PACRG: variants seen among roughly 807,000 people sequenced by gnomAD.
The protein encoded by PACRG is parkin coregulated.
Under a neutral mutation model 29.7 loss-of-function variants are expected in PACRG, and 29 were observed. The observed-to-expected ratio is 0.98, with a 90% CI of 0.73 to 1.33. The LOEUF is 1.33. Ranked by LOEUF, PACRG falls within the 40% of genes most tolerant of loss-of-function variation. The pLI is 0.00. For missense variants in PACRG, 279 were observed against 316.2 expected (o/e 0.88, Z 0.89); for synonymous variants, 116 against 118.7 (o/e 0.98, Z 0.15).
intron 4 of PACRG, among the ~76,000 whole-genome samples, chr6:163,172,108 C>CGA (rs1779116998): frequency 6.6e-6 from 1 of 152,198 alleles, no homozygotes; most frequent in Non-Finnish European, 1.5e-5. Context: ...CCAGGAAGCT[C>CGA]TAAGCTTCTA....
chr6:162,915,293 G>A (rs1584746955), intron 2 of PACRG, among the ~76,000 whole-genome samples: 1 of 151,398 alleles, frequency 6.6e-6, no homozygotes, highest in African/African-American at 2.4e-5. Flanking sequence ...TAGACCAGGG[G>A]TAGGCAAACT....
At chr6:163,003,421 G>A (rs1160151977) in intron 2 of PACRG, among the ~76,000 whole-genome samples, 1 of 151,998 alleles carries the variant, frequency 6.6e-6, no homozygotes, top group East Asian at 1.9e-4. Flanking sequence ...GAAGGGAAGA[G>A]GAAATTGAGC....
intron 2 of PACRG, among the ~76,000 whole-genome samples, chr6:162,881,286 G>A (rs548498941): frequency 6.6e-6 from 1 of 152,288 alleles, no homozygotes; most frequent in South Asian, 2.1e-4. Context: ...GCTCCTTAAT[G>A]AACCTGTTTT....
At chr6:162,727,726 C>G, upstream of PACRG, 1 of 1,535,748 alleles carries the variant, frequency 6.5e-7, no homozygotes, top group Non-Finnish European at 8.8e-7. Flanking sequence ...GCAGCGGCGC[C>G]AGCCGCGCCT....
chr6:162,857,186 TCA>T (rs1472982406), intron 2 of PACRG, among the ~76,000 whole-genome samples: 2 of 152,212 alleles, frequency 1.3e-5, no homozygotes, highest in African/African-American at 4.8e-5. Flanking sequence ...CTCCGAGAGT[TCA>T]CAGAGTATAG....
intron 1 of PACRG, among the ~76,000 whole-genome samples, chr6:162,761,935 CAAAAAA>C (rs60437478): frequency 2.6e-5 from 2 of 76,004 alleles, no homozygotes; most frequent in Admixed American, 2.1e-4. Flanking sequence ...GACTCCATCT[CAAAAAA>C]AAAAAAAAAA....
intron 2 of PACRG, among the ~76,000 whole-genome samples, chr6:162,876,528 A>T (rs1348850139): frequency 1.3e-5 from 2 of 152,090 alleles, no homozygotes; most frequent in African/African-American, 2.4e-5. Flanking sequence ...GTGTCTGTTC[A>T]TATCTTTTGC....
chr6:163,054,677 A>G (rs1053977428), intron 2 of PACRG, among the ~76,000 whole-genome samples: 1 of 152,186 alleles, frequency 6.6e-6, no homozygotes, highest in Non-Finnish European at 1.5e-5. Context: ...AAGGGGAAAC[A>G]GGGACTCTCG....
chr6:163,181,669 A>AT (rs1159033818), intron 4 of PACRG, among the ~76,000 whole-genome samples: 5 of 147,006 alleles, frequency 3.4e-5, no homozygotes, highest in Admixed American at 6.8e-5. Context: ...TTATAGATGT[A>AT]TTTTTGTTTT....
intron 1 of PACRG, among the ~76,000 whole-genome samples, chr6:162,797,641 A>C (rs1474144977): frequency 1.3e-5 from 2 of 152,162 alleles, no homozygotes; most frequent in Admixed American, 6.5e-5. Flanking sequence ...ACCACATTTA[A>C]AAATATTTGT....
chr6:163,296,030 A>T (rs1784767671), intron 4 of PACRG, among the ~76,000 whole-genome samples: 2 of 152,188 alleles, frequency 1.3e-5, no homozygotes, highest in South Asian at 4.1e-4. Flanking sequence ...AACCCAGAGC[A>T]GCAGGAGGCT....
At chr6:163,181,368 C>T (rs1237034036) in intron 4 of PACRG, among the ~76,000 whole-genome samples, 1 of 152,142 alleles carries the variant, frequency 6.6e-6, no homozygotes, top group Non-Finnish European at 1.5e-5. Flanking sequence ...CGCTTGGGGA[C>T]AGCAGAGGCT....
intron 2 of PACRG, among the ~76,000 whole-genome samples, chr6:162,849,352 T>C (rs968289753): frequency 1.3e-5 from 2 of 152,142 alleles, no homozygotes; most frequent in Admixed American, 6.5e-5. Flanking sequence ...GGTGAAAGCA[T>C]CTTGAGCTTC....
chr6:162,864,337 G>A (rs1792116584), intron 2 of PACRG, among the ~76,000 whole-genome samples: 1 of 152,082 alleles, frequency 6.6e-6, no homozygotes, highest in South Asian at 2.1e-4. Flanking sequence ...GAGTAGAGTT[G>A]GAAAAATAAC....
intron 4 of PACRG, among the ~76,000 whole-genome samples, chr6:163,286,569 A>G (rs569739944): frequency 7.5e-4 from 114 of 152,350 alleles, no homozygotes; most frequent in African/African-American, 2.5e-3. Flanking sequence ...ATATGATCAT[A>G]ATTTCTGCCA....
At chr6:162,929,523 T>C (rs1797693123) in intron 2 of PACRG, among the ~76,000 whole-genome samples, 1 of 152,096 alleles carries the variant, frequency 6.6e-6, no homozygotes, top group Non-Finnish European at 1.5e-5. Flanking sequence ...TCCCATTCTG[T>C]GGGTTATCTC....
chr6:162,943,631 G>A (rs1031125879), intron 2 of PACRG, among the ~76,000 whole-genome samples: 3 of 152,108 alleles, frequency 2.0e-5, no homozygotes, highest in Non-Finnish European at 4.4e-5. Context: ...CACTTGGGGA[G>A]CCTGAGGACA....
At chr6:163,185,162 C>A (rs1239864650) in intron 4 of PACRG, among the ~76,000 whole-genome samples, 2 of 152,140 alleles carry the variant, frequency 1.3e-5, no homozygotes, top group African/African-American at 4.8e-5. Context: ...CCAGGCACCT[C>A]TGCACATGGC....
Position 162,790,318 on chromosome 6 carries a change from G to A in PACRG, c.157-23829G>A, listed in dbSNP as rs545567334. 5.3e-5 allele frequency among the ~76,000 whole-genome samples: 8 copies of A among 152,106 alleles called. No individual in the cohort carries two copies. The South Asian group carries it at 1.7e-3, about 32-fold the overall frequency. ...GCTCATAGGATGGATAGGTTCAGTGGATACATTTGCTCTCCCCGCACTCAC... is the reference window on the plus strand; with the variant it reads ...GCTCATAGGATGGATAGGTTCAGTGAATACATTTGCTCTCCCCGCACTCAC... On this transcript the variant is annotated intron_variant, in intron 1 of 4. Coordinates refer to ENST00000366888, the MANE Select transcript of PACRG (RefSeq NM_001080379.2).
Sources: allele counts gnomAD v4.1 joint callset (sites outside exome capture counted in the v4.1 genomes callset), GRCh38; gene constraint gnomAD v4.1.1; transcripts MANE v1.5; gene names NCBI Gene and HGNC (gene_info 2026-07-23, HGNC 2026-07-21).